The following CEP350 variants were observed in gnomAD, a reference collection of about 807,000 sequenced individuals.
The protein encoded by CEP350 is centrosomal protein 350, also known as centrosome-associated protein 350.
A neutral mutation model predicts 331.8 loss-of-function variants in CEP350; 126 were observed. The ratio of observed to expected loss-of-function variants is 0.38; its 90% CI spans 0.33 to 0.44. The LOEUF is 0.44. CEP350 is among the 20% of genes least tolerant of loss of function. The pLI is 1.00. For missense variants in CEP350, 3,406 were observed against 3,634.6 expected (o/e 0.94, Z 1.62); for synonymous variants, 1,200 against 1,259.5 (o/e 0.95, Z 1.00).
At chr1:179,989,311 C>T (rs896309214) in intron 3 of CEP350, among the ~76,000 whole-genome samples, 4 of 151,426 alleles carry the variant, frequency 2.6e-5, no homozygotes, top group East Asian at 3.9e-4. Context: ...TAAACTCCAT[C>T]TCTACAAAAA....
intron 3 of CEP350, 76 bp downstream of exon 3, chr1:179,987,362 G>T (rs16855052): frequency 0.13 from 94,732 of 743,110 alleles, 6,701 homozygotes; most frequent in Middle Eastern, 0.14. Context: ...AGATTAAAAT[G>T]TTTTCCATAC....
chr1:180,079,458 A>G (rs755451738), intron 29 of CEP350, among the ~76,000 whole-genome samples: 3 of 152,074 alleles, frequency 2.0e-5, no homozygotes, highest in Non-Finnish European at 2.9e-5. Context: ...TACAGCACCT[A>G]GAAGATCTAG....
intron 7 of CEP350, 145 bp downstream of exon 7, chr1:180,003,432 A>G: frequency 3.2e-6 from 2 of 615,780 alleles, no homozygotes; most frequent in Non-Finnish European, 5.6e-6. Context: ...GGTTTGAGGC[A>G]TAAGGCTCTC....
chr1:180,054,796 A>C (rs951617187), intron 25 of CEP350, among the ~76,000 whole-genome samples: 2 of 152,248 alleles, frequency 1.3e-5, no homozygotes, highest in Non-Finnish European at 1.5e-5. Context: ...TTTAAAAATT[A>C]AGATATGTGT....
At chr1:180,024,026 A>G (rs913337203) in intron 13 of CEP350, among the ~76,000 whole-genome samples, 4 of 152,094 alleles carry the variant, frequency 2.6e-5, no homozygotes, top group African/African-American at 9.6e-5. Context: ...AATATCACCA[A>G]TCAATATGAT....
At chr1:180,096,355 A>G (rs556304462) in intron 36 of CEP350, among the ~76,000 whole-genome samples, 171 bp downstream of exon 36, 3 of 151,592 alleles carry the variant, frequency 2.0e-5, no homozygotes, top group South Asian at 4.2e-4. Flanking sequence ...ATCCATGAAC[A>G]GTGGAGGGAT....
At chr1:180,079,711 A>G (rs963318850) in intron 29 of CEP350, among the ~76,000 whole-genome samples, 2 of 152,072 alleles carry the variant, frequency 1.3e-5, no homozygotes, top group African/African-American at 2.4e-5. Flanking sequence ...CCTTTATACA[A>G]TCTTAAAAGT....
intron 1 of CEP350, 39 bp downstream of exon 1, chr1:179,955,181 C>G: frequency 2.2e-6 from 3 of 1,348,818 alleles, no homozygotes; most frequent in Non-Finnish European, 2.9e-6. Context: ...CGCGGAGTCT[C>G]GCTCAGCCTC....
intron 1 of CEP350, among the ~76,000 whole-genome samples, chr1:179,959,859 T>C (rs1437868033): frequency 6.6e-6 from 1 of 152,174 alleles, no homozygotes; most frequent in African/African-American, 2.4e-5. Context: ...GCCTTAAGTC[T>C]TATTTCTTAC....
chr1:180,066,403 C>T (rs1658550305), intron 27 of CEP350, among the ~76,000 whole-genome samples: 2 of 152,124 alleles, frequency 1.3e-5, no homozygotes, highest in South Asian at 4.1e-4. Context: ...AACTTGATAA[C>T]CTTTGGCAGT....
chr1:180,035,267 G>A lies in CEP350; in HGVS notation c.3946+1185G>A, dbSNP rs925256683. ...GAAGCCATCTCTATAAAATAAAAGT[G>A]CAAGGTGAAGCAACAAGTGCTAATG... On this transcript the variant is annotated intron_variant, in intron 16 of 37. Coordinates refer to ENST00000367607, the MANE Select transcript of CEP350 (RefSeq NM_014810.5). 3.9e-5 allele frequency among the ~76,000 whole-genome samples: 6 copies of A among 152,228 alleles called. No individual in the cohort carries two copies. In the East Asian group the frequency reaches 9.6e-4, roughly 24 times the overall value.
chr1:180,044,683 G>T (rs570538491), intron 21 of CEP350, among the ~76,000 whole-genome samples: 3 of 116,884 alleles, frequency 2.6e-5, no homozygotes, highest in East Asian at 6.0e-4. Context: ...GTTGTGGGGT[G>T]GGGGGAGGGG....
chr1:180,063,459 T>G (rs1658366479), intron 26 of CEP350, among the ~76,000 whole-genome samples: 1 of 151,708 alleles, frequency 6.6e-6, no homozygotes, highest in African/African-American at 2.4e-5. Flanking sequence ...TCCCAGAGTG[T>G]TAGGATTACA....
chr1:179,996,677 C>G lies in CEP350; in HGVS notation c.520C>G (p.Arg174Gly). 3.7e-6 allele frequency: 6 copies of G among 1,613,510 alleles called. No homozygotes were observed. Among genetic ancestry groups the G allele is most frequent in the Non-Finnish European group, 5.1e-6 (6 of 1,179,726 alleles). Residue 174 changes from arginine (R) to glycine (G), a missense_variant, in exon 6 of 38, where the codon CGG becomes GGG. Coordinates refer to ENST00000367607, the MANE Select transcript of CEP350 (RefSeq NM_014810.5). ...GNWMIGSREE[R>G]NIRSCDFESS... ...CTGGATGATAGGCAGTCGAGAAGAACGGAATATACGGAGCTGTGATTTTGA... is the reference window on the plus strand; with the variant it reads ...CTGGATGATAGGCAGTCGAGAAGAAGGGAATATACGGAGCTGTGATTTTGA...
At chr1:180,106,375 G>C (rs530134109) in intron 37 of CEP350, among the ~76,000 whole-genome samples, 2 of 152,072 alleles carry the variant, frequency 1.3e-5, no homozygotes, top group African/African-American at 4.8e-5. Context: ...GGGGCTTTAC[G>C]TAACAACTTT....
chr1:180,065,396 TAGC>T (rs1196428623), intron 27 of CEP350, 124 bp downstream of exon 27: 11 of 981,524 alleles, frequency 1.1e-5, no homozygotes, highest in African/African-American at 6.7e-5. Context: ...AGTAGCATTT[TAGC>T]AGAATTGTTA....
At chr1:180,055,159 T>G (rs1044003007) in intron 25 of CEP350, among the ~76,000 whole-genome samples, 6 of 152,224 alleles carry the variant, frequency 3.9e-5, no homozygotes. Context: ...TAGAGCAGAC[T>G]GTGGCACAAT....
chr1:180,073,958 C>A (rs774646732), intron 27 of CEP350: 1 of 1,288,926 alleles, frequency 7.8e-7, no homozygotes, highest in Admixed American at 2.4e-5. Flanking sequence ...ATGCTCTGTT[C>A]TTTTTGTTTG....
Position 180,020,224 on chromosome 1 carries a change from A to C in CEP350, c.2450A>C (p.Gln817Pro), listed in dbSNP as rs754196063. The C allele has an allele frequency of 4.3e-6, 7 of 1,614,024 alleles. No homozygotes were observed. In the Admixed American group the frequency reaches 8.3e-5, roughly 19 times the overall value. ...GCCTTGTTAAAACCTAGTGCCAGCC[A>C]ATATAAGAGTAAACTGGATCGTATT... ...TDALLKPSAS[Q>P]YKSKLDRIEA... The change falls in exon 12 of 38, where the codon CAA becomes CCA. Residue 817 changes from glutamine to proline, a missense_variant. Gln to Pro is a moderately conservative substitution (Grantham distance 76). Transcript: ENST00000367607.
Sources: gnomAD v4.1 joint callset for allele counts (sites outside exome capture counted in the v4.1 genomes callset) on GRCh38, gnomAD v4.1.1 for gene constraint, MANE v1.5 for transcripts, NCBI Gene and HGNC (gene_info 2026-07-23, HGNC 2026-07-21) for gene names.